SP1: variants seen among roughly 807,000 people sequenced by gnomAD.
SP1 encodes the protein Sp1 transcription factor.
A neutral mutation model predicts 66.3 loss-of-function variants in SP1; 6 were observed. The observed-to-expected ratio is 0.09, with a 90% CI of 0.05 to 0.18. The LOEUF (loss-of-function observed/expected upper bound fraction) is 0.18. Among genes scored for constraint, SP1 ranks in the 10% least tolerant of loss-of-function variants. The probability of loss-of-function intolerance (pLI) is 1.00; values close to 1 mark genes in which losing one functional copy is unlikely to be tolerated. For missense variants in SP1, 848 were observed against 964.5 expected (o/e 0.88, Z 1.60); for synonymous variants, 417 against 360.8 (o/e 1.16, Z -1.77).
chr12:53,385,482 C>A (rs1049701007), intron 3 of SP1, among the ~76,000 whole-genome samples: 17 of 148,756 alleles, frequency 1.1e-4, no homozygotes, highest in Non-Finnish European at 2.1e-4. Flanking sequence ...GTAGTCCCAG[C>A]GACTCAGGAG....
chr12:53,415,756 C>A lies in SP1; in HGVS notation c.*4516C>A, dbSNP rs553856416. 1 of 152,552 alleles carries A rather than the reference C, an allele frequency of 6.6e-6. No homozygotes were observed. The highest frequency in any genetic ancestry group is 1.9e-4 in the East Asian group (1 of 5,176). 9.4% of individuals were successfully genotyped at this position (152,552 alleles called of 1,614,324 possible). A position where few individuals can be genotyped will look rare whatever the true frequency, so the allele number is the denominator to read the frequency against. On this transcript the variant is annotated 3_prime_UTR_variant, in exon 6 of 6. Transcript: ENST00000327443. Reference sequence around the variant, plus strand: ...TCCCATATCTTGCCTTCAGGAATTACACTGTGCCTTTTCCCCAGGGATATG... The same window carrying A: ...TCCCATATCTTGCCTTCAGGAATTAAACTGTGCCTTTTCCCCAGGGATATG...
At chr12:53,389,216 CTTTTTTTTTTTT>C (rs71443297) in intron 3 of SP1, among the ~76,000 whole-genome samples, 1 of 106,718 alleles carries the variant, frequency 9.4e-6, no homozygotes, top group East Asian at 2.7e-4. Context: ...TTAAAATGAT[CTTTTTTTTTTTT>C]TTTTTTTTGG....
chr12:53,400,604 G>A (rs1396969957), intron 3 of SP1, among the ~76,000 whole-genome samples: 1 of 151,786 alleles, frequency 6.6e-6, no homozygotes, highest in African/African-American at 2.4e-5. Context: ...TGTTTTTTGG[G>A]TTGTTTTGAG....
chr12:53,402,744 A>G (rs975286928), intron 3 of SP1, among the ~76,000 whole-genome samples: 1 of 145,912 alleles, frequency 6.9e-6, no homozygotes, highest in East Asian at 2.1e-4. Context: ...AGGCGGGCGG[A>G]TCATGAGGTC....
intron 4 of SP1, 75 bp downstream of exon 4, chr12:53,406,828 A>AT (rs35249224): frequency 0.078 from 81,839 of 1,047,030 alleles, 3 homozygotes; most frequent in Middle Eastern, 0.1. Context: ...AAGAAGATTA[A>AT]TTTTTTTTTT....
chr12:53,406,532 C>G, intron 3 of SP1, 53 bp from the exon 4 acceptor site: 1 of 1,446,096 alleles, frequency 6.9e-7, no homozygotes, highest in South Asian at 1.2e-5. Flanking sequence ...CACTGAGATG[C>G]CAGTGATAAC....
chr12:53,387,032 C>T (rs1938246092), intron 3 of SP1, among the ~76,000 whole-genome samples: 1 of 148,786 alleles, frequency 6.7e-6, no homozygotes, highest in Non-Finnish European at 1.5e-5. Context: ...CTCACTGCAA[C>T]CTCTGCCTTC....
At chr12:53,390,660 G>A (rs1592560252) in intron 3 of SP1, among the ~76,000 whole-genome samples, 1 of 151,880 alleles carries the variant, frequency 6.6e-6, no homozygotes, top group Non-Finnish European at 1.5e-5. Flanking sequence ...TCCAGCCTGG[G>A]CAACAGAGCT....
chr12:53,383,454 A>G lies in SP1; in HGVS notation c.1507A>G (p.Thr503Ala). 1 of 1,613,594 alleles carries G rather than the reference A, an allele frequency of 6.2e-7. No homozygotes were observed. The highest frequency in any genetic ancestry group is 8.5e-7 in the Non-Finnish European group (1 of 1,179,520). The change falls in exon 3 of 6, where the codon ACA becomes GCA. Residue 503 changes from threonine to alanine, a missense_variant. Thr to Ala is a moderately conservative substitution (Grantham distance 58). Around this residue, in one of 7 missense-constraint regions of SP1, gnomAD observed 606 missense variants for 589.9 expected, o/e 1.03. Transcript: ENST00000327443. ...GQTSSSNTTL[T>A]PIASAASIPA... The stretch of plus-strand genomic sequence containing the variant: ...GACCAGCAGCAGCAACACCACTCTC[A>G]CACCCATTGCCTCAGCTGCTTCCAT...
chr12:53,408,269 T>A (rs1592572804), intron 4 of SP1, among the ~76,000 whole-genome samples: 1 of 137,050 alleles, frequency 7.3e-6, no homozygotes, highest in Admixed American at 7.2e-5. Context: ...AGAGCTTCGC[T>A]CTTGTTGCCC....
At chr12:53,392,648 C>T (rs1202943843) in intron 3 of SP1, among the ~76,000 whole-genome samples, 4 of 151,078 alleles carry the variant, frequency 2.6e-5, no homozygotes, top group African/African-American at 7.3e-5. Context: ...TGAGCCACCG[C>T]GCCCGGCCTA....
rs2136922041 is a variant in SP1, at chr12:53,411,628, T to C, written c.*388T>C. Reference sequence around the variant, plus strand: ...AATATATATGATCATTGAAATACTTTTTAACAAAAAACAGATTCTATATTA... The same window carrying C: ...AATATATATGATCATTGAAATACTTCTTAACAAAAAACAGATTCTATATTA... On this transcript the variant is annotated 3_prime_UTR_variant, in exon 6 of 6. Coordinates refer to ENST00000327443, the MANE Select transcript of SP1 (RefSeq NM_138473.3). The C allele has an allele frequency of 6.7e-6, 1 of 148,768 alleles. No homozygotes were observed. The highest frequency in any genetic ancestry group is 2.1e-4 in the South Asian group (1 of 4,770). 9.2% of individuals were successfully genotyped at this position (148,768 alleles called of 1,614,324 possible). A position where few individuals can be genotyped will look rare whatever the true frequency, so the allele number is the denominator to read the frequency against.
chr12:53,385,769 C>T (rs1478299906), intron 3 of SP1, among the ~76,000 whole-genome samples: 5 of 151,028 alleles, frequency 3.3e-5, no homozygotes, highest in South Asian at 4.2e-4. Flanking sequence ...AAAAATTAGC[C>T]GGGCGTGGTG....
At chr12:53,407,850 G>A (rs1938779246) in intron 4 of SP1, among the ~76,000 whole-genome samples, 1 of 148,408 alleles carries the variant, frequency 6.7e-6, no homozygotes, top group African/African-American at 2.5e-5. Context: ...GTTAGCCAGG[G>A]TGGTCTCGAT....
intron 1 of SP1, chr12:53,380,796 CCT>C (rs1013548117): frequency 6.8e-6 from 2 of 293,578 alleles, no homozygotes; most frequent in African/African-American, 4.7e-5. Flanking sequence ...CCGCCCTTTC[CCT>C]CAGGGCCCGC....
At chr12:53,397,292 T>C (rs1198318380) in intron 3 of SP1, among the ~76,000 whole-genome samples, 2 of 152,104 alleles carry the variant, frequency 1.3e-5, no homozygotes, top group Non-Finnish European at 2.9e-5. Flanking sequence ...ATTACAAATA[T>C]GAGCCACTGC....
rs59161932 is a variant in SP1, at chr12:53,388,977, C to CAAAAAAA, written c.1675+5360_1675+5366dup. 5.8e-3 allele frequency among the ~76,000 whole-genome samples: 812 copies of CAAAAAAA among 140,106 alleles called. 8 individuals carry two copies. The highest frequency in any genetic ancestry group is 0.02 in the African/African-American group (745 of 37,842). The allele number at this position is 140,106 out of a possible 152,430, so 91.9% of individuals were successfully genotyped here. Reference sequence around the variant, plus strand: ...CCTGGGCAGTAGGGTGAGTCCCTGTCAAAAAAAAAAAGTATCTAATTTTAC... The same window carrying CAAAAAAA: ...CCTGGGCAGTAGGGTGAGTCCCTGTCAAAAAAAAAAAAAAAAAAGTATCTAATTTTAC... On this transcript the variant is annotated intron_variant, in intron 3 of 5. Coordinates refer to ENST00000327443, the MANE Select transcript of SP1 (RefSeq NM_138473.3).
chr12:53,405,098 C>T (rs1370877666), intron 3 of SP1, among the ~76,000 whole-genome samples: 1 of 152,010 alleles, frequency 6.6e-6, no homozygotes, highest in Non-Finnish European at 1.5e-5. Flanking sequence ...ATCCAACCAC[C>T]TCGGCCTCCC....
At chr12:53,392,519 G>T (rs1938376911) in intron 3 of SP1, among the ~76,000 whole-genome samples, 1 of 151,210 alleles carries the variant, frequency 6.6e-6, no homozygotes, top group Non-Finnish European at 1.5e-5. Flanking sequence ...ACTACGCCCG[G>T]CTAATTTTTT....
Sources: allele counts gnomAD v4.1 joint callset (sites outside exome capture counted in the v4.1 genomes callset), GRCh38; gene constraint gnomAD v4.1.1; regional missense constraint gnomAD v4.1.1; transcripts MANE v1.5; gene names NCBI Gene and HGNC (gene_info 2026-07-23, HGNC 2026-07-21).